CNTNAP3B: variants seen among roughly 807,000 people sequenced by gnomAD.
CNTNAP3B encodes the protein contactin-associated protein-like 3B.
CNTNAP3B carries 25 observed loss-of-function variants against 108.9 expected under a neutral mutation model. The ratio of observed to expected loss-of-function variants is 0.23; its 90% confidence interval spans 0.17 to 0.32. The LOEUF (loss-of-function observed/expected upper bound fraction) is 0.32, where lower values mean the gene tolerates loss of function less well. Ranked by LOEUF, CNTNAP3B falls within the 10% of genes least tolerant of loss-of-function variation. The probability of loss-of-function intolerance (pLI) is 1.00; values close to 1 mark genes in which losing one functional copy is unlikely to be tolerated. For synonymous variants in CNTNAP3B, 103 were observed against 473.4 expected (o/e 0.22, Z 10.16); for missense variants, 252 against 1,210.4 (o/e 0.21, Z 11.75).
At chr9:41,961,272 G>A (rs1825082103) in intron 11 of CNTNAP3B, among the ~76,000 whole-genome samples, 1 of 152,420 alleles carries the variant, frequency 6.6e-6, no homozygotes, top group African/African-American at 2.4e-5. Flanking sequence ...TTTTGGCAAT[G>A]TCTAGAGACT....
In CNTNAP3B at chr9:42,041,786, C is replaced by T. The variant is rs1324970804; in HGVS notation, c.391-28261G>A. ...TCATGCTGCTATAAAGACACATGCACGTGTGTTTATTGCGACACTATCTGC... is the reference window on the plus strand; with the variant it reads ...TCATGCTGCTATAAAGACACATGCATGTGTGTTTATTGCGACACTATCTGC... On this transcript the variant is annotated intron_variant, in intron 3 of 23. Transcript: ENST00000377561. Among the ~76,000 whole-genome samples the T allele has an allele frequency of 3.6e-5, 5 of 139,598 alleles. 1 individual carries two copies. The highest frequency in any genetic ancestry group is 2.2e-4 in the East Asian group (1 of 4,646). The allele number at this position is 139,598 out of a possible 152,430, so 91.6% of individuals were successfully genotyped here. A position where few individuals can be genotyped will look rare whatever the true frequency, so the allele number is the denominator to read the frequency against.
chr9:42,087,014 T>G (rs1827717461), intron 2 of CNTNAP3B, among the ~76,000 whole-genome samples: 1 of 132,550 alleles, frequency 7.5e-6, no homozygotes, highest in African/African-American at 2.9e-5. Flanking sequence ...TAGTGTTCCA[T>G]GAACAGGTCC....
Position 42,129,105 on chromosome 9 carries a change from G to A in CNTNAP3B, c.-11C>T, listed in dbSNP as rs1439222314. ...GGCCACTGAAGCCATGCTCACTTCA[G>A]CCAGGCGCCCTGAGACCCGGGCACG... is the stretch of plus-strand genomic sequence containing the variant. On this transcript the variant is annotated 5_prime_UTR_variant, in exon 1 of 24. Coordinates refer to ENST00000377561, the MANE Select transcript of CNTNAP3B (RefSeq NM_001201380.3). 6.3e-6 allele frequency: 10 copies of A among 1,591,742 alleles called. No homozygotes were observed. In the East Asian group the frequency reaches 1.8e-4, roughly 29 times the overall value.
chr9:42,010,664 ATCC>A (rs1374931618), intron 4 of CNTNAP3B, among the ~76,000 whole-genome samples: 1 of 91,944 alleles, frequency 1.1e-5, no homozygotes, highest in African/African-American at 5.2e-5. Context: ...TCCAGGAATC[ATCC>A]TGATTATTGT....
chr9:41,940,313 G>T (rs1165078168), intron 13 of CNTNAP3B, among the ~76,000 whole-genome samples: 3 of 152,262 alleles, frequency 2.0e-5, no homozygotes, highest in Non-Finnish European at 4.4e-5. Flanking sequence ...TGAACTTTTT[G>T]GAAACAAAAC....
intron 15 of CNTNAP3B, among the ~76,000 whole-genome samples, chr9:41,927,470 G>A (rs1488239791): frequency 1.3e-5 from 2 of 151,402 alleles, no homozygotes. Context: ...GAGGGAGGGA[G>A]TGGGGAAGGA....
At chr9:42,079,525 T>C (rs1201568780) in intron 2 of CNTNAP3B, among the ~76,000 whole-genome samples, 1 of 123,176 alleles carries the variant, frequency 8.1e-6, no homozygotes, top group African/African-American at 3.3e-5. Flanking sequence ...TTTTGTTTTG[T>C]TTTTGTTTTT....
At position 41,964,546 on chromosome 9, in the gene CNTNAP3B, C is replaced by G. The variant is rs1825206558; in HGVS notation, c.1748G>C (p.Cys583Ser). 2 of 1,524,474 alleles carry G rather than the reference C, an allele frequency of 1.3e-6. No homozygotes were observed. Among genetic ancestry groups the G allele is most frequent in the South Asian group, 2.5e-5 (2 of 80,178 alleles). 94.4% of individuals were successfully genotyped at this position (1,524,474 alleles called of 1,614,324 possible). ...GGAGGTGTGAGGCTTACAGGAATGG[C>G]AGGTCTCGCCCGTATAGCCTGTGCC... ...CLGTGYTGET[C>S]HSSLYEQSCE... is the part of the protein sequence containing the mutation. The change falls in exon 11 of 24, where the codon TGC becomes TCC. Residue 583 changes from cysteine (C) to serine (S), a missense_variant. By Grantham distance (112) the Cys-to-Ser change is moderately radical. Coordinates refer to ENST00000377561, the MANE Select transcript of CNTNAP3B (RefSeq NM_001201380.3).
Position 41,972,739 on chromosome 9 carries a change from C to T in CNTNAP3B, c.1478-2494G>A, listed in dbSNP as rs1388833445. On this transcript the variant is annotated intron_variant, in intron 9 of 23. Transcript: ENST00000377561. Reference sequence around the variant, plus strand: ...AAAAGTTTAAATGGTACAGCAGAACCTTCTGAAGAATGGGATAGAGAGTGA... The same window carrying T: ...AAAAGTTTAAATGGTACAGCAGAACTTTCTGAAGAATGGGATAGAGAGTGA... Among the ~76,000 whole-genome samples the T allele has an allele frequency of 1.5e-5, 2 of 134,530 alleles. 1 individual carries two copies. The highest frequency in any genetic ancestry group is 3.1e-5 in the Non-Finnish European group (2 of 63,658). The allele number at this position is 134,530 out of a possible 152,430, so 88.3% of individuals were successfully genotyped here.
chr9:42,041,407 C>T (rs1455431670), intron 3 of CNTNAP3B, among the ~76,000 whole-genome samples: 2 of 151,534 alleles, frequency 1.3e-5, no homozygotes, highest in African/African-American at 4.9e-5. Context: ...ATCAAACAAC[C>T]CCATCAGAAA....
At chr9:41,921,479 C>T (rs1166223131) in intron 17 of CNTNAP3B, among the ~76,000 whole-genome samples, 1 of 149,104 alleles carries the variant, frequency 6.7e-6, no homozygotes, top group Non-Finnish European at 1.5e-5. Context: ...TCTACCCTCC[C>T]CTGTAAATTA....
Position 42,096,537 on chromosome 9 carries a change from G to A in CNTNAP3B, c.196+8092C>T, listed in dbSNP as rs1827903958. Among the ~76,000 whole-genome samples, 3 of 134,084 alleles carry A rather than the reference G, an allele frequency of 2.2e-5. 1 individual carries two copies. Among genetic ancestry groups the A allele is most frequent in the African/African-American group, 9.0e-5 (3 of 33,180 alleles). The allele number at this position is 134,084 out of a possible 152,430, so 88.0% of individuals were successfully genotyped here. A position where few individuals can be genotyped will look rare whatever the true frequency, so the allele number is the denominator to read the frequency against. The stretch of plus-strand genomic sequence containing the variant: ...AATCTGAGTTAGGAGCAAAGACGGA[G>A]GTCTGAGGGCACTGGCGAAAAATTT... On this transcript the variant is annotated intron_variant, in intron 2 of 23. Transcript: ENST00000377561.
At chr9:41,934,670 C>T (rs1325045117) in intron 14 of CNTNAP3B, among the ~76,000 whole-genome samples, 8 of 152,282 alleles carry the variant, frequency 5.3e-5, no homozygotes, top group Non-Finnish European at 2.9e-5. Context: ...TATCTGCTTT[C>T]TTTTGATTTG....
At chr9:41,927,360 G>T (rs1233702801) in intron 15 of CNTNAP3B, among the ~76,000 whole-genome samples, 1 of 135,510 alleles carries the variant, frequency 7.4e-6, no homozygotes, top group Non-Finnish European at 1.6e-5. Flanking sequence ...GTTTCAAAAA[G>T]CACAGAAACA....
At chr9:42,113,961 AAAT>A (rs1307514522) in intron 1 of CNTNAP3B, among the ~76,000 whole-genome samples, 2 of 133,894 alleles carry the variant, frequency 1.5e-5, no homozygotes, top group Non-Finnish European at 3.2e-5. Context: ...AAAAAATTAA[AAAT>A]AATAATAATT....
At chr9:41,939,838 T>C (rs1437051530) in intron 13 of CNTNAP3B, among the ~76,000 whole-genome samples, 1 of 152,298 alleles carries the variant, frequency 6.6e-6, no homozygotes, top group African/African-American at 2.4e-5. Flanking sequence ...AAAGATCTTG[T>C]AGACTTGTCT....
chr9:41,929,755 T>C (rs1005466313), intron 14 of CNTNAP3B, among the ~76,000 whole-genome samples: 2 of 136,006 alleles, frequency 1.5e-5, no homozygotes, highest in African/African-American at 5.8e-5. Context: ...TTTTTGGATA[T>C]GAAATCTGAA....
At chr9:41,921,806 A>G (rs1339550263) in intron 17 of CNTNAP3B, among the ~76,000 whole-genome samples, 2 of 150,452 alleles carry the variant, frequency 1.3e-5, no homozygotes, top group East Asian at 3.9e-4. Flanking sequence ...TGAGAACAGC[A>G]GCGAGGAAAA....
At chr9:41,927,811 A>G (rs921591636) in intron 15 of CNTNAP3B, among the ~76,000 whole-genome samples, 1 of 152,100 alleles carries the variant, frequency 6.6e-6, no homozygotes, top group African/African-American at 2.4e-5. Flanking sequence ...ATAACAAATT[A>G]CTGACATTGG....
Sources: gnomAD v4.1 joint callset for allele counts (sites outside exome capture counted in the v4.1 genomes callset) on GRCh38, gnomAD v4.1.1 for gene constraint, MANE v1.5 for transcripts, NCBI Gene and HGNC (gene_info 2026-07-23, HGNC 2026-07-21) for gene names.